The following RNGTT variants were observed in gnomAD, a reference collection of about 807,000 sequenced individuals.
RNGTT encodes the protein RNA guanylyltransferase and 5'-phosphatase.
A neutral mutation model predicts 79.3 loss-of-function variants in RNGTT; 33 were observed. The ratio of observed to expected loss-of-function variants is 0.42; its 90% CI spans 0.32 to 0.56. RNGTT has a LOEUF of 0.56. Ranked by LOEUF, RNGTT falls within the 20% of genes least tolerant of loss-of-function variation. RNGTT has a pLI of 0.17. For missense variants in RNGTT, 497 were observed against 739.1 expected (o/e 0.67, Z 3.80); for synonymous variants, 222 against 235.9 (o/e 0.94, Z 0.54).
intron 12 of RNGTT, among the ~76,000 whole-genome samples, chr6:88,770,218 C>T (rs1562243489): frequency 6.6e-6 from 1 of 151,844 alleles, no homozygotes; most frequent in Non-Finnish European, 1.5e-5. Context: ...ATAAAATTAA[C>T]CAACAAATCT....
At chr6:88,668,694 T>C (rs1269020321) in intron 14 of RNGTT, among the ~76,000 whole-genome samples, 4 of 152,084 alleles carry the variant, frequency 2.6e-5, no homozygotes, top group African/African-American at 9.7e-5. Flanking sequence ...GACCACAGTT[T>C]TTGAAATAAG....
At chr6:88,944,627 C>T (rs1784948282) in intron 1 of RNGTT, among the ~76,000 whole-genome samples, 1 of 151,742 alleles carries the variant, frequency 6.6e-6, no homozygotes, top group South Asian at 2.1e-4. Flanking sequence ...AAGCCCTAAA[C>T]TCTCCCTTAT....
intron 13 of RNGTT, among the ~76,000 whole-genome samples, chr6:88,718,484 T>C (rs986612229): frequency 6.6e-6 from 1 of 151,824 alleles, no homozygotes; most frequent in Non-Finnish European, 1.5e-5. Flanking sequence ...GATATGTTAA[T>C]AGATGGGGGC....
intron 12 of RNGTT, among the ~76,000 whole-genome samples, chr6:88,796,143 T>C (rs866063062): frequency 6.6e-6 from 1 of 152,228 alleles, no homozygotes; most frequent in South Asian, 2.1e-4. Flanking sequence ...ATTGTTTTTA[T>C]ATTGAGTAAA....
chr6:88,706,834 T>G (rs1582360878), intron 13 of RNGTT, among the ~76,000 whole-genome samples: 1 of 152,216 alleles, frequency 6.6e-6, no homozygotes, highest in Admixed American at 6.5e-5. Context: ...ATACACACTT[T>G]AAAAACCAGC....
chr6:88,632,795 T>C (rs1772950726), intron 14 of RNGTT, among the ~76,000 whole-genome samples: 1 of 152,198 alleles, frequency 6.6e-6, no homozygotes, highest in African/African-American at 2.4e-5. Flanking sequence ...AATTCTAGTC[T>C]AGTATAATTC....
intron 6 of RNGTT, among the ~76,000 whole-genome samples, chr6:88,898,999 C>A (rs890342794): frequency 6.6e-6 from 1 of 151,616 alleles, no homozygotes; most frequent in South Asian, 2.1e-4. Flanking sequence ...AGTTTTCTTT[C>A]GTTTTCAAAC....
rs147827376 is a variant in RNGTT at position 88,611,867 on chromosome 6, C to T, written c.*852G>A. 26 of 152,698 alleles carry T rather than the reference C, an allele frequency of 1.7e-4. No homozygotes were observed. In the East Asian group the frequency reaches 4.2e-3, roughly 25 times the overall value. 9.5% of individuals were successfully genotyped at this position (152,698 alleles called of 1,614,324 possible). On this transcript the variant is annotated 3_prime_UTR_variant, in exon 16 of 16. Transcript: ENST00000369485. ...GATCACAGTGAGTTGTGTGTTTTAA[C>T]GTAATTTACAATGTGCTGATACCAC...
rs1778039567 is a variant in RNGTT, at chr6:88,756,983, T to TG, written c.1439+12790dup. On this transcript the variant is annotated intron_variant, in intron 13 of 15. Coordinates refer to ENST00000369485, the MANE Select transcript of RNGTT (RefSeq NM_003800.5). Reference sequence around the variant, plus strand: ...ACAATTTTATCACAAAAAAACAAATTGTCTTTAATGAACCACTTTTCAGTT... The same window carrying TG: ...ACAATTTTATCACAAAAAAACAAATTGGTCTTTAATGAACCACTTTTCAGTT... Among the ~76,000 whole-genome samples, 6 of 152,264 alleles carry TG rather than the reference T, an allele frequency of 3.9e-5. No homozygotes were observed. In the South Asian group the frequency reaches 1.2e-3, roughly 32 times the overall value.
chr6:88,718,884 T>C (rs1776613254), intron 13 of RNGTT, among the ~76,000 whole-genome samples: 1 of 152,168 alleles, frequency 6.6e-6, no homozygotes, highest in Non-Finnish European at 1.5e-5. Context: ...ACCAGATGTT[T>C]AGTTGATATA....
intron 14 of RNGTT, among the ~76,000 whole-genome samples, chr6:88,629,012 G>GA (rs60570193): frequency 2.2e-4 from 34 of 151,826 alleles, no homozygotes; most frequent in African/African-American, 7.5e-4. Flanking sequence ...TGCATGTGAA[G>GA]AAAAAAAATC....
intron 8 of RNGTT, among the ~76,000 whole-genome samples, chr6:88,880,056 C>T (rs949123481): frequency 1.2e-4 from 19 of 152,078 alleles, no homozygotes; most frequent in Non-Finnish European, 1.5e-4. Flanking sequence ...AAGTTTAGAA[C>T]GAAAACTTAA....
chr6:88,692,225 A>G (rs1369210163), intron 13 of RNGTT, among the ~76,000 whole-genome samples: 1 of 152,170 alleles, frequency 6.6e-6, no homozygotes, highest in Non-Finnish European at 1.5e-5. Context: ...TTCAGACCAC[A>G]GTGCAAGAAA....
chr6:88,931,381 T>G (rs78913139), intron 2 of RNGTT, among the ~76,000 whole-genome samples: 3,344 of 152,156 alleles, frequency 0.022, 121 homozygotes, highest in African/African-American at 0.077. Context: ...TCTGAAAGGA[T>G]GTATTAAAAA....
chr6:88,839,734 G>C (rs942905145), intron 11 of RNGTT, among the ~76,000 whole-genome samples: 1 of 152,176 alleles, frequency 6.6e-6, no homozygotes, highest in Non-Finnish European at 1.5e-5. Context: ...ACTTTTTACT[G>C]CATGTTTTTA....
At chr6:88,757,743 T>C (rs1778068402) in intron 13 of RNGTT, among the ~76,000 whole-genome samples, 1 of 152,154 alleles carries the variant, frequency 6.6e-6, no homozygotes, top group Non-Finnish European at 1.5e-5. Flanking sequence ...CATAACAAAA[T>C]ACATTTGGTT....
Position 88,612,016 on chromosome 6 carries a change from A to G in RNGTT, c.*703T>C, listed in dbSNP as rs1772043710. On this transcript the variant is annotated 3_prime_UTR_variant, in exon 16 of 16. Transcript: ENST00000369485. Reference sequence around the variant, plus strand: ...TAACTCAAAACCACTGCCAGAATGGACACACTGGATATCTGATATCATAGT... The same window carrying G: ...TAACTCAAAACCACTGCCAGAATGGGCACACTGGATATCTGATATCATAGT... 1.3e-5 allele frequency: 2 copies of G among 152,572 alleles called. No homozygotes were observed. Among genetic ancestry groups the G allele is most frequent in the Admixed American group, 1.3e-4 (2 of 15,288 alleles). 9.5% of individuals were successfully genotyped at this position (152,572 alleles called of 1,614,324 possible).
intron 13 of RNGTT, among the ~76,000 whole-genome samples, chr6:88,699,847 T>C (rs1775886497): frequency 6.6e-6 from 1 of 152,154 alleles, no homozygotes; most frequent in Admixed American, 6.5e-5. Flanking sequence ...TTGAATCATA[T>C]AAGGTATACA....
In RNGTT at chr6:88,645,175, C is replaced by T. The variant is rs143308931; in HGVS notation, c.1507-30780G>A. 6.9e-3 allele frequency among the ~76,000 whole-genome samples: 1,056 copies of T among 152,150 alleles called. 11 individuals carry two copies. The highest frequency in any genetic ancestry group is 0.023 in the African/African-American group (961 of 41,520). ...GCAAAGTCTCAGGATACAAAATCAA[C>T]GTGCAAAAATCACAAGCATTCTTAT... On this transcript the variant is annotated intron_variant, in intron 14 of 15. Transcript: ENST00000369485.
Sources: gnomAD v4.1 joint callset for allele counts (sites outside exome capture counted in the v4.1 genomes callset) on GRCh38, gnomAD v4.1.1 for gene constraint, MANE v1.5 for transcripts, NCBI Gene and HGNC (gene_info 2026-07-23, HGNC 2026-07-21) for gene names.